Variants in GRAMD1B observed in about 807,000 individuals in gnomAD.
The protein encoded by GRAMD1B is protein Aster-B.
Under a neutral mutation model 99.7 loss-of-function variants are expected in GRAMD1B, and 37 were observed. The observed-to-expected ratio is 0.37, with a 90% CI of 0.29 to 0.49. The LOEUF is 0.49. GRAMD1B is among the 20% of genes least tolerant of loss of function. GRAMD1B has a pLI of 0.98. For missense variants in GRAMD1B, 888 were observed against 1,009.2 expected (o/e 0.88, Z 1.63); for synonymous variants, 427 against 387.6 (o/e 1.10, Z -1.19).
chr11:123,454,063 C>T lies in GRAMD1B; in HGVS notation c.374+22897C>T, dbSNP rs1164364480. On this transcript the variant is annotated intron_variant, in intron 1 of 19. Coordinates refer to ENST00000635736, the MANE Select transcript of GRAMD1B (RefSeq NM_001387025.1). ...CCAGCAGCTGAGTGTGACTTTTATC[C>T]TGGTAATAATTTCAATCCTGCTTCC... Among the ~76,000 whole-genome samples the T allele has an allele frequency of 3.3e-5, 5 of 152,354 alleles. No homozygotes were observed. The East Asian group carries it at 7.7e-4, about 23-fold the overall frequency.
chr11:123,532,533 C>G (rs1045725414), intron 2 of GRAMD1B, among the ~76,000 whole-genome samples: 11 of 152,216 alleles, frequency 7.2e-5, no homozygotes, highest in African/African-American at 2.7e-4. Flanking sequence ...GCTGATGCCT[C>G]TTCCTAAGAC....
intron 4 of GRAMD1B, among the ~76,000 whole-genome samples, chr11:123,589,637 T>TATATATATATATATATATATA (rs1565424189): frequency 5.4e-5 from 8 of 147,342 alleles, no homozygotes; most frequent in African/African-American, 2.0e-4. Context: ...TATATATATA[T>TATATATATATATATATATATA]TTGTAGTAGA....
At chr11:123,458,142 AT>A (rs1487329076) in intron 1 of GRAMD1B, among the ~76,000 whole-genome samples, 2 of 152,140 alleles carry the variant, frequency 1.3e-5, no homozygotes, top group Non-Finnish European at 2.9e-5. Flanking sequence ...GATTAGGGGA[AT>A]TGGCTTACAT....
chr11:123,505,168 C>G (rs1208989296), intron 2 of GRAMD1B, among the ~76,000 whole-genome samples: 6 of 149,768 alleles, frequency 4.0e-5, no homozygotes, highest in South Asian at 2.2e-4. Context: ...ACTGTCTCAC[C>G]TCTCTCTTTC....
chr11:123,434,191 C>T (rs1252273058), intron 1 of GRAMD1B, among the ~76,000 whole-genome samples: 2 of 138,096 alleles, frequency 1.4e-5, no homozygotes, highest in Admixed American at 7.6e-5. Context: ...GATCTCGCCA[C>T]TGCACTCCAG....
At chr11:123,569,111 G>T (rs973926780) in intron 2 of GRAMD1B, among the ~76,000 whole-genome samples, 1 of 92,900 alleles carries the variant, frequency 1.1e-5, no homozygotes, top group African/African-American at 4.5e-5. Flanking sequence ...GTGGACAGTC[G>T]TGTCATCTCT....
intron 4 of GRAMD1B, among the ~76,000 whole-genome samples, chr11:123,593,069 T>C (rs1465010742): frequency 1.3e-5 from 2 of 151,812 alleles, no homozygotes; most frequent in Non-Finnish European, 2.9e-5. Flanking sequence ...CCATCTCTAG[T>C]AAAAATACAA....
intron 1 of GRAMD1B, among the ~76,000 whole-genome samples, chr11:123,406,428 A>G (rs2135947410): frequency 6.6e-6 from 1 of 152,072 alleles, no homozygotes; most frequent in East Asian, 1.9e-4. Flanking sequence ...TAATGTTGGT[A>G]TTTTTAGTAG....
At position 123,596,314 on chromosome 11, in the gene GRAMD1B, G is replaced by GT. The variant is rs368777332; in HGVS notation, c.969+282dup. ...TGTTGGGTAATATCTCTAAGCCTAAGTTTTTCACCTGCAAAATGGAGCCAG... is the reference window on the plus strand; with the variant it reads ...TGTTGGGTAATATCTCTAAGCCTAAGTTTTTTCACCTGCAAAATGGAGCCAG... On this transcript the variant is annotated intron_variant, in intron 7 of 19. Coordinates refer to ENST00000635736, the MANE Select transcript of GRAMD1B (RefSeq NM_001387025.1). Among the ~76,000 whole-genome samples the GT allele has an allele frequency of 4.1e-3, 628 of 152,282 alleles. 4 individuals are homozygous for GT. Among genetic ancestry groups the GT allele is most frequent in the South Asian group, 0.014 (68 of 4,826 alleles).
Position 123,457,117 on chromosome 11 carries a change from A to AGAAAG in GRAMD1B, c.375-23699_375-23698insGAAAG. 3.4e-4 allele frequency among the ~76,000 whole-genome samples: 34 copies of AGAAAG among 99,394 alleles called. 2 individuals are homozygous for AGAAAG. Among genetic ancestry groups the AGAAAG allele is most frequent in the East Asian group, 7.4e-4 (2 of 2,694 alleles). The allele number at this position is 99,394 out of a possible 152,430, so 65.2% of individuals were successfully genotyped here. On this transcript the variant is annotated intron_variant, in intron 1 of 19. Transcript: ENST00000635736. ...ACAGAGAGAGACCCTTTCTGAGAAA[A>AGAAAG]AAAGAAAGAAAGAAAGAAAGAATTA...
chr11:123,608,414 C>A, intron 11 of GRAMD1B: 3 of 1,231,392 alleles, frequency 2.4e-6, no homozygotes, highest in South Asian at 3.0e-5. Context: ...TTCCCAAACA[C>A]TTTGTAAAGA....
intron 1 of GRAMD1B, chr11:123,454,826 C>A (rs1396494363): frequency 1.3e-5 from 2 of 152,088 alleles, no homozygotes; most frequent in African/African-American, 2.4e-5. Context: ...AAAGAAGAAC[C>A]AAGGTAAGAT....
At chr11:123,466,390 A>AAGAAAAAGAAAGAAAGGAAGAAAGAAAG (rs1950669389) in intron 1 of GRAMD1B, among the ~76,000 whole-genome samples, 2 of 150,968 alleles carry the variant, frequency 1.3e-5, no homozygotes, top group South Asian at 4.2e-4. Context: ...GAGAGAAAGA[A>AAGAAAAAGAAAGAAAGGAAGAAAGAAAG]AGAAAAAGAA....
Position 123,610,320 on chromosome 11 carries a change from G to T in GRAMD1B, c.1901G>T (p.Arg634Leu). The T allele has an allele frequency of 6.2e-7, 1 of 1,613,930 alleles. No homozygotes were observed. Among genetic ancestry groups the T allele is most frequent in the Non-Finnish European group, 8.5e-7 (1 of 1,179,862 alleles). The part of the protein sequence containing the change: ...INRYTLTRVA[R>L]NKSRLRVSTE... ...CGCTACACGCTCACCCGTGTGGCTCGGAACAAGAGCCGACTCAGGTGTGGT... is the reference window on the plus strand; with the variant it reads ...CGCTACACGCTCACCCGTGTGGCTCTGAACAAGAGCCGACTCAGGTGTGGT... The change falls in exon 14 of 20, where the codon CGG becomes CTG. Residue 634 changes from arginine to leucine, a missense_variant. By Grantham distance (102) the Arg-to-Leu change is moderately radical. This residue lies in a region of GRAMD1B where 92 missense variants were observed against 156.9 expected (regional missense o/e 0.59). Coordinates refer to ENST00000635736, the MANE Select transcript of GRAMD1B (RefSeq NM_001387025.1). The surrounding 1 kb of genome is among the most constrained non-coding windows in gnomAD (Gnocchi z 4.1).
intron 1 of GRAMD1B, among the ~76,000 whole-genome samples, chr11:123,401,663 G>A (rs1034102677): frequency 6.6e-6 from 1 of 152,218 alleles, no homozygotes; most frequent in African/African-American, 2.4e-5. Context: ...GGTGGCAGGG[G>A]TGGGGGAAGG....
At chr11:123,599,034 A>G in intron 7 of GRAMD1B, 1 of 1,108,170 alleles carries the variant, frequency 9.0e-7, no homozygotes. Context: ...ATGGAGATCG[A>G]GGTAACGACC....
chr11:123,392,640 T>C (rs187859380), intron 1 of GRAMD1B, among the ~76,000 whole-genome samples: 1 of 152,186 alleles, frequency 6.6e-6, no homozygotes, highest in African/African-American at 2.4e-5. Context: ...TTCTATAAAG[T>C]CTGTGTCTTA....
intron 1 of GRAMD1B, among the ~76,000 whole-genome samples, chr11:123,479,107 A>T (rs1951450175): frequency 6.6e-6 from 1 of 152,224 alleles, no homozygotes; most frequent in Admixed American, 6.5e-5. Flanking sequence ...CGAGCTGTAA[A>T]AACGTGCTGC....
intron 2 of GRAMD1B, among the ~76,000 whole-genome samples, chr11:123,533,550 C>T (rs1200416887): frequency 6.6e-6 from 1 of 152,116 alleles, no homozygotes; most frequent in African/African-American, 2.4e-5. Context: ...TCTCAGCCTC[C>T]TGAGTAGCTG....
Sources: gnomAD v4.1 joint callset for allele counts (sites outside exome capture counted in the v4.1 genomes callset) on GRCh38, gnomAD v4.1.1 for gene constraint, gnomAD v4.1.1 regional missense constraint, Gnocchi (gnomAD v3.1) non-coding constraint, MANE v1.5 for transcripts, NCBI Gene and HGNC (gene_info 2026-07-23, HGNC 2026-07-21) for gene names.